Variants in MTNR1B observed in about 807,000 individuals in gnomAD.
MTNR1B encodes melatonin receptor type 1B.
MTNR1B carries 7 observed loss-of-function variants against 7.0 expected under a neutral mutation model. The ratio of observed to expected loss-of-function variants is 1.00; its 90% CI spans 0.57 to 1.88. The LOEUF is 1.88. Ranked by LOEUF, MTNR1B falls within the 40% of genes most tolerant of loss-of-function variation. The pLI is 0.00. For synonymous variants in MTNR1B, 226 were observed against 208.2 expected (o/e 1.09, Z -0.74); for missense variants, 478 against 486.5 (o/e 0.98, Z 0.16).
intron 1 of MTNR1B, among the ~76,000 whole-genome samples, chr11:92,974,728 G>C (rs1189343669): frequency 6.6e-6 from 1 of 151,834 alleles, no homozygotes; most frequent in Non-Finnish European, 1.5e-5. Context: ...TCAGCCTCCC[G>C]AGTAGCTGGG....
rs1858133286 is a variant in MTNR1B, at chr11:92,982,701, G to GA, written c.*389_*390insA. ...CCCCAGCGTGGCAGGATCTCTTCCT[G>GA]TTAGCAAGGATGAAAGAGAGAGGTC... On this transcript the variant is annotated 3_prime_UTR_variant, in exon 2 of 2. Coordinates refer to ENST00000257068, the MANE Select transcript of MTNR1B (RefSeq NM_005959.5). 4.3e-6 allele frequency: 1 copy of GA among 234,018 alleles called. No individual in the cohort carries two copies. The highest frequency in any genetic ancestry group is 8.3e-6 in the Non-Finnish European group (1 of 120,486). 14.5% of individuals were successfully genotyped at this position (234,018 alleles called of 1,614,324 possible). A position where few individuals can be genotyped will look rare whatever the true frequency, so the allele number is the denominator to read the frequency against.
chr11:92,970,001 T>C, intron 1 of MTNR1B, 53 bp downstream of exon 1: 1 of 1,483,232 alleles, frequency 6.7e-7, no homozygotes, highest in Non-Finnish European at 9.0e-7. Flanking sequence ...CCTTGTCTTC[T>C]GATCTTGTCC....
intron 1 of MTNR1B, among the ~76,000 whole-genome samples, chr11:92,979,389 G>T (rs2136515579): frequency 6.6e-6 from 1 of 152,230 alleles, no homozygotes; most frequent in South Asian, 2.1e-4. Context: ...TAAATTAAAA[G>T]GCACAAAACC....
intron 1 of MTNR1B, among the ~76,000 whole-genome samples, chr11:92,979,092 G>A (rs1481211250): frequency 6.6e-6 from 1 of 152,186 alleles, no homozygotes; most frequent in Non-Finnish European, 1.5e-5. Context: ...AGAAAAGAAA[G>A]GAGCTCATGT....
At chr11:92,979,921 TCCAGGTGTG>T (rs1423978566) in intron 1 of MTNR1B, among the ~76,000 whole-genome samples, 1 of 152,058 alleles carries the variant, frequency 6.6e-6, no homozygotes, top group Non-Finnish European at 1.5e-5. Flanking sequence ...GGTGAATAAG[TCCAGGTGTG>T]CCATCTACTT....
At chr11:92,982,893 C>T (rs1858139286), downstream of MTNR1B, 4 of 145,786 alleles carry the variant, frequency 2.7e-5, no homozygotes, top group African/African-American at 1.0e-4. Flanking sequence ...TGTACACATA[C>T]ATATGTTACA....
Position 92,981,961 on chromosome 11 carries a change from C to A in MTNR1B, c.738C>A (p.Asp246Glu). The A allele has an allele frequency of 6.2e-7, 1 of 1,614,248 alleles. No homozygotes were observed. The highest frequency in any genetic ancestry group is 1.3e-5 in the African/African-American group (1 of 75,070). ...PESRLCLKPS[D>E]LRSFLTMFVV... ...GCAGGCTGTGCCTGAAGCCCAGCGACTTGCGGAGCTTTCTAACCATGTTTG... is the reference window on the plus strand; with the variant it reads ...GCAGGCTGTGCCTGAAGCCCAGCGAATTGCGGAGCTTTCTAACCATGTTTG... Residue 246 changes from aspartate (D) to glutamate (E), a missense_variant, in exon 2 of 2, where the codon GAC becomes GAA. Transcript: ENST00000257068.
chr11:92,981,914 C>T lies in MTNR1B; in HGVS notation c.691C>T (p.Arg231Cys), dbSNP rs373501373. Residue 231 changes from arginine to cysteine, a missense_variant, in exon 2 of 2, where the codon CGC (arginine) becomes TGC (cysteine). Physicochemically the swap from Arg to Cys is radical, Grantham distance 180 (BLOSUM62 -3). Transcript: ENST00000257068. Reference protein sequence around the residue: ...LRIWVLVLQARRKAKPESRLC... With the variant: ...LRIWVLVLQACRKAKPESRLC... ...CATCTGGGTGCTGGTGCTTCAGGCC[C>T]GCAGGAAAGCCAAGCCAGAGAGCAG... The T allele has an allele frequency of 1.7e-5, 27 of 1,614,068 alleles. No homozygotes were observed. Among genetic ancestry groups the T allele is most frequent in the East Asian group, 6.7e-5 (3 of 44,892 alleles).
intron 1 of MTNR1B, among the ~76,000 whole-genome samples, chr11:92,973,008 C>T (rs1328625084): frequency 2.6e-5 from 4 of 152,070 alleles, no homozygotes; most frequent in South Asian, 2.1e-4. Flanking sequence ...CATTGCTTCC[C>T]GTCCTTCCTC....
intron 1 of MTNR1B, among the ~76,000 whole-genome samples, chr11:92,974,837 C>G (rs549484234): frequency 6.6e-6 from 1 of 152,134 alleles, no homozygotes; most frequent in Non-Finnish European, 1.5e-5. Flanking sequence ...CTCCTGACCT[C>G]GTGATCCGCC....
chr11:92,975,748 G>A (rs1858001347), intron 1 of MTNR1B, among the ~76,000 whole-genome samples: 1 of 152,172 alleles, frequency 6.6e-6, no homozygotes, highest in Non-Finnish European at 1.5e-5. Flanking sequence ...AAGGCCTAGA[G>A]TGAAATGCTT....
At chr11:92,972,875 T>A (rs1477988434) in intron 1 of MTNR1B, among the ~76,000 whole-genome samples, 1 of 152,224 alleles carries the variant, frequency 6.6e-6, no homozygotes, top group Non-Finnish European at 1.5e-5. Flanking sequence ...CAAAGTCTCC[T>A]GTTTTAAAAG....
downstream of MTNR1B, among the ~76,000 whole-genome samples, chr11:92,982,947 C>CA (rs1554991419): frequency 1.2e-3 from 80 of 66,308 alleles, 4 homozygotes; most frequent in African/African-American, 2.3e-3. Flanking sequence ...CCCCCCCCCC[C>CA]CACACACACA....
Position 92,969,720 on chromosome 11 carries a change from T to G in MTNR1B, c.-6T>G. 2.0e-6 allele frequency: 3 copies of G among 1,463,520 alleles called. No individual in the cohort carries two copies. Among genetic ancestry groups the G allele is most frequent in the African/African-American group, 2.9e-5 (2 of 68,852 alleles). 90.7% of individuals were successfully genotyped at this position (1,463,520 alleles called of 1,614,324 possible). ...GTGGCCAAAGCACAGCGCGGGAGAG[T>G]CTGCGATGTCAGAGAACGGCTCCTT... On this transcript the variant is annotated 5_prime_UTR_variant, in exon 1 of 2. Coordinates refer to ENST00000257068, the MANE Select transcript of MTNR1B (RefSeq NM_005959.5).
chr11:92,984,711 G>A (rs565010782), downstream of MTNR1B: 16 of 356,306 alleles, frequency 4.5e-5, no homozygotes, highest in East Asian at 7.5e-4. Flanking sequence ...ATGGATTGAA[G>A]GCTGTCTTCA....
At chr11:92,983,775 A>G (rs1858157260), downstream of MTNR1B, among the ~76,000 whole-genome samples, 1 of 152,192 alleles carries the variant, frequency 6.6e-6, no homozygotes, top group Admixed American at 6.5e-5. Flanking sequence ...CTGCAAGGTC[A>G]CAGTCTGTTG....
At position 92,969,747 on chromosome 11, in the gene MTNR1B, G is replaced by T. The variant is rs181780563; in HGVS notation, c.22G>T (p.Ala8Ser). Residue 8 changes from alanine to serine, a missense_variant, in exon 1 of 2, where the codon GCC (alanine) becomes TCC (serine). Ala to Ser is a moderately conservative substitution (Grantham distance 99, BLOSUM62 1). Coordinates refer to ENST00000257068, the MANE Select transcript of MTNR1B (RefSeq NM_005959.5). The part of the protein sequence containing the change: MSENGSF[A>S]NCCEAGGWAV... ...TGCGATGTCAGAGAACGGCTCCTTC[G>T]CCAACTGCTGCGAGGCGGGCGGGTG... 6.7e-7 allele frequency: 1 copy of T among 1,490,608 alleles called. No individual in the cohort carries two copies. The allele number at this position is 1,490,608 out of a possible 1,614,324, so 92.3% of individuals were successfully genotyped here.
At chr11:92,975,618 G>A (rs544698960) in intron 1 of MTNR1B, among the ~76,000 whole-genome samples, 24 of 152,160 alleles carry the variant, frequency 1.6e-4, no homozygotes, top group Non-Finnish European at 3.1e-4. Flanking sequence ...TTGCTTCCCC[G>A]GTTAGATTAG....
chr11:92,980,274 A>G (rs778550627), intron 1 of MTNR1B, among the ~76,000 whole-genome samples: 32 of 152,222 alleles, frequency 2.1e-4, no homozygotes, highest in Non-Finnish European at 3.5e-4. Flanking sequence ...TACCATGCCC[A>G]GTGCACATTG....
Sources: gnomAD v4.1 joint callset for allele counts (sites outside exome capture counted in the v4.1 genomes callset) on GRCh38, gnomAD v4.1.1 for gene constraint, MANE v1.5 for transcripts, NCBI Gene and HGNC (gene_info 2026-07-23, HGNC 2026-07-21) for gene names.